ARFIP1: variants seen among roughly 807,000 people sequenced by gnomAD.
ARFIP1 encodes arfaptin-1.
ARFIP1 carries 24 observed loss-of-function variants against 42.5 expected under a neutral mutation model. That is an observed-to-expected ratio of 0.57 (90% confidence interval 0.41 to 0.80). The LOEUF (loss-of-function observed/expected upper bound fraction) is 0.80. ARFIP1 is among the 30% of genes least tolerant of loss of function. The pLI, the probability that ARFIP1 is intolerant of heterozygous loss-of-function variation, is 0.00. For missense variants in ARFIP1, 354 were observed against 434.0 expected, an observed-to-expected ratio of 0.82 and a Z score of 1.64; for synonymous variants, 141 against 153.7, an observed-to-expected ratio of 0.92 and a Z score of 0.61.
chr4:152,891,183 G>C (rs559431449), intron 8 of ARFIP1, among the ~76,000 whole-genome samples: 2 of 152,308 alleles, frequency 1.3e-5, no homozygotes, highest in South Asian at 4.1e-4. Context: ...TCACATTGAG[G>C]GTGAAGATTT....
At chr4:152,832,146 A>T (rs1284213226) in intron 2 of ARFIP1, among the ~76,000 whole-genome samples, 1 of 151,926 alleles carries the variant, frequency 6.6e-6, no homozygotes, top group Non-Finnish European at 1.5e-5. Flanking sequence ...CCAAGAGTGA[A>T]ATTGCCAGGT....
chr4:152,787,832 A>T (rs1730900298), intron 1 of ARFIP1, among the ~76,000 whole-genome samples: 2 of 152,240 alleles, frequency 1.3e-5, no homozygotes, highest in African/African-American at 2.4e-5. Flanking sequence ...TGCCAAAAAA[A>T]TCTGAAATCC....
chr4:152,887,506 C>T (rs149341577), intron 7 of ARFIP1, among the ~76,000 whole-genome samples: 1 of 152,114 alleles, frequency 6.6e-6, no homozygotes, highest in East Asian at 1.9e-4. Context: ...TTCAAAGACT[C>T]ACTACCCACT....
intron 1 of ARFIP1, among the ~76,000 whole-genome samples, chr4:152,820,793 C>G (rs981872134): frequency 2.0e-5 from 3 of 152,090 alleles, no homozygotes; most frequent in Non-Finnish European, 4.4e-5. Flanking sequence ...AAATCCAAAC[C>G]ATATCACACA....
At chr4:152,791,355 GCTT>G (rs1404398414) in intron 1 of ARFIP1, among the ~76,000 whole-genome samples, 4 of 152,098 alleles carry the variant, frequency 2.6e-5, no homozygotes, top group Non-Finnish European at 5.9e-5. Flanking sequence ...TGACTGAAAA[GCTT>G]CTATATTTTG....
intron 3 of ARFIP1, among the ~76,000 whole-genome samples, chr4:152,869,452 CT>C (rs993026695): frequency 1.3e-4 from 19 of 149,184 alleles, no homozygotes; most frequent in Non-Finnish European, 1.0e-4. Context: ...TTCTTTCTTT[CT>C]TTTTTTTTTT....
intron 6 of ARFIP1, 28 bp from the exon 7 acceptor site, chr4:152,882,695 A>G (rs770340391): frequency 1.2e-6 from 2 of 1,603,106 alleles, no homozygotes; most frequent in Admixed American, 1.7e-5. Flanking sequence ...TTATTACTGA[A>G]TAAATTAAGG....
chr4:152,809,488 G>A (rs1445552005), intron 1 of ARFIP1, among the ~76,000 whole-genome samples: 1 of 152,204 alleles, frequency 6.6e-6, no homozygotes, highest in Non-Finnish European at 1.5e-5. Context: ...TCTCCGTGGA[G>A]AGGCAGAAAG....
intron 1 of ARFIP1, among the ~76,000 whole-genome samples, chr4:152,790,996 C>T (rs1731120624): frequency 6.6e-6 from 1 of 151,946 alleles, no homozygotes; most frequent in African/African-American, 2.4e-5. Context: ...CCTTGGCCTC[C>T]CAAAGTGCTG....
At chr4:152,804,074 TTA>T (rs1233758997) in intron 1 of ARFIP1, among the ~76,000 whole-genome samples, 3 of 104,900 alleles carry the variant, frequency 2.9e-5, no homozygotes, top group Admixed American at 2.3e-4. Context: ...GTAATATATA[TTA>T]TATATAATAT....
chr4:152,860,783 AAAATTGGAG>A (rs1733827254), intron 2 of ARFIP1, among the ~76,000 whole-genome samples: 1 of 152,222 alleles, frequency 6.6e-6, no homozygotes, highest in African/African-American at 2.4e-5. Flanking sequence ...ACCAAGCTGC[AAAATTGGAG>A]ATTTAAGATT....
intron 7 of ARFIP1, among the ~76,000 whole-genome samples, chr4:152,887,563 T>C (rs1736366104): frequency 6.6e-6 from 1 of 152,072 alleles, no homozygotes; most frequent in Non-Finnish European, 1.5e-5. Flanking sequence ...ATTGATTACA[T>C]GCCACAATGA....
At chr4:152,898,431 A>G (rs1412051207) in intron 8 of ARFIP1, among the ~76,000 whole-genome samples, 2 of 152,062 alleles carry the variant, frequency 1.3e-5, no homozygotes, top group Admixed American at 6.6e-5. Flanking sequence ...CATAAACTTA[A>G]TAACATCCTG....
chr4:152,789,887 A>C (rs764765157), intron 1 of ARFIP1, among the ~76,000 whole-genome samples: 4 of 152,150 alleles, frequency 2.6e-5, no homozygotes, highest in Non-Finnish European at 5.9e-5. Context: ...AAAATGCTCT[A>C]GGCTCACCTT....
rs534049746 is a variant in ARFIP1, at chr4:152,887,782, G to C, written c.792-351G>C. On this transcript the variant is annotated intron_variant, in intron 7 of 8. Transcript: ENST00000353617. ...ATTCTAGAGTCTGCTGTCCTTACCT[G>C]CTTTGCCTAATCAGTACTAAGCAAT... Among the ~76,000 whole-genome samples the C allele has an allele frequency of 3.0e-4, 46 of 152,000 alleles. 1 individual carries two copies. Among genetic ancestry groups the C allele is most frequent in the Admixed American group, 2.7e-3 (41 of 15,242 alleles).
intron 2 of ARFIP1, among the ~76,000 whole-genome samples, chr4:152,848,249 A>G (rs1408752088): frequency 6.6e-6 from 1 of 152,196 alleles, no homozygotes; most frequent in Non-Finnish European, 1.5e-5. Context: ...GCTCTCTTTC[A>G]TTACCTTATT....
intron 5 of ARFIP1, among the ~76,000 whole-genome samples, chr4:152,875,867 C>T (rs1024553344): frequency 2.6e-5 from 4 of 151,900 alleles, no homozygotes; most frequent in East Asian, 1.9e-4. Context: ...TCATGGGAGC[C>T]GGTCTTTCCC....
At chr4:152,892,101 C>T (rs1736909450) in intron 8 of ARFIP1, among the ~76,000 whole-genome samples, 1 of 152,074 alleles carries the variant, frequency 6.6e-6, no homozygotes, top group African/African-American at 2.4e-5. Context: ...GATACTGGCT[C>T]TCACTATGTG....
intron 7 of ARFIP1, among the ~76,000 whole-genome samples, chr4:152,884,249 C>T (rs183997766): frequency 5.3e-5 from 8 of 151,842 alleles, no homozygotes; most frequent in East Asian, 1.9e-4. Flanking sequence ...GATAGCCTTC[C>T]GTGGAAATCT....
Sources: allele counts gnomAD v4.1 joint callset (sites outside exome capture counted in the v4.1 genomes callset), GRCh38; gene constraint gnomAD v4.1.1; transcripts MANE v1.5; gene names NCBI Gene and HGNC (gene_info 2026-07-23, HGNC 2026-07-21).